The following PIWIL2 variants were observed in gnomAD, a reference collection of about 807,000 sequenced individuals.
PIWIL2 encodes the protein piwi-like protein 2.
In PIWIL2, 81 loss-of-function variants were observed where a neutral mutation model predicts 116.5. The observed-to-expected ratio is 0.70, with a 90% CI of 0.58 to 0.84. PIWIL2 has a LOEUF of 0.84. PIWIL2 is among the 40% of genes least tolerant of loss of function. The probability of loss-of-function intolerance (pLI) is 0.00; values close to 1 mark genes in which losing one functional copy is unlikely to be tolerated. For synonymous variants in PIWIL2, 489 were observed against 429.5 expected (o/e 1.14, Z -1.71); for missense variants, 1,272 against 1,212.3 (o/e 1.05, Z -0.73).
In PIWIL2 at chr8:22,354,323, A is replaced by T; in HGVS notation, c.2710A>T (p.Thr904Ser). 1.2e-6 allele frequency: 2 copies of T among 1,613,714 alleles called. No individual in the cohort carries two copies. Among genetic ancestry groups the T allele is most frequent in the Non-Finnish European group, 1.7e-6 (2 of 1,179,756 alleles). The change falls in exon 22 of 23, where the codon ACG becomes TCG. Residue 904 changes from threonine (T) to serine (S), a missense_variant. By Grantham distance (58) the Thr-to-Ser change is moderately conservative. Coordinates refer to ENST00000356766, the MANE Select transcript of PIWIL2 (RefSeq NM_018068.5). Reference protein sequence around the residue: ...HHVRQGCGIPTHYVCVLNTAN... With the variant: ...HHVRQGCGIPSHYVCVLNTAN... ...TGTACGGCAGGGCTGTGGCATTCCT[A>T]CGCATTATGTCTGTGTTCTCAACAC... is the stretch of plus-strand genomic sequence containing the variant.
At position 22,318,205 on chromosome 8, in the gene PIWIL2, A is replaced by T; in HGVS notation, c.2333A>T (p.Gln778Leu). The T allele has an allele frequency of 6.2e-7, 1 of 1,613,550 alleles. No individual in the cohort carries two copies. The highest frequency in any genetic ancestry group is 8.5e-7 in the Non-Finnish European group (1 of 1,179,460). The change falls in exon 20 of 23, where the codon CAG becomes CTG. Residue 778 changes from glutamine (Q) to leucine (L), a missense_variant. Coordinates refer to ENST00000356766, the MANE Select transcript of PIWIL2 (RefSeq NM_018068.5). ...AAATGGTATTCCCGGGTGGTGTTCC[A>T]GATGCCGCATCAGGAGATTGTGGAC... is the stretch of plus-strand genomic sequence containing the variant. ...LTKWYSRVVF[Q>L]MPHQEIVDSL... is the part of the protein sequence containing the mutation.
intron 1 of PIWIL2, among the ~76,000 whole-genome samples, chr8:22,277,450 G>T (rs1256386133): frequency 6.6e-6 from 1 of 152,214 alleles, no homozygotes; most frequent in Non-Finnish European, 1.5e-5. Flanking sequence ...GACTGAGCAA[G>T]TATTGTAGGC....
intron 8 of PIWIL2, among the ~76,000 whole-genome samples, 197 bp from the exon 9 acceptor site, chr8:22,289,650 T>G (rs1382199697): frequency 6.6e-6 from 1 of 152,262 alleles, no homozygotes; most frequent in Non-Finnish European, 1.5e-5. Context: ...GTCATTTTGC[T>G]TTGCTTTTTC....
chr8:22,305,778 T>C, intron 12 of PIWIL2, 149 bp from the exon 13 acceptor site: 1 of 636,000 alleles, frequency 1.6e-6, no homozygotes, highest in South Asian at 1.9e-5. Flanking sequence ...ACTTCTAGCA[T>C]TTCACTGCTC....
intron 1 of PIWIL2, among the ~76,000 whole-genome samples, chr8:22,278,297 A>C (rs1830424181): frequency 6.6e-6 from 1 of 152,084 alleles, no homozygotes; most frequent in Non-Finnish European, 1.5e-5. Context: ...GAGGCAGCAG[A>C]TCTCTTGAGC....
intron 4 of PIWIL2, among the ~76,000 whole-genome samples, chr8:22,282,124 G>A (rs368255318): frequency 7.7e-6 from 1 of 129,702 alleles, no homozygotes; most frequent in Non-Finnish European, 1.6e-5. Flanking sequence ...TGTGTTGACC[G>A]GGCTGGAATG....
intron 20 of PIWIL2, among the ~76,000 whole-genome samples, chr8:22,346,899 G>A (rs1005617657): frequency 5.3e-5 from 8 of 152,076 alleles, no homozygotes; most frequent in Non-Finnish European, 1.0e-4. Flanking sequence ...TTTTTAGTTG[G>A]GCATAGCCGC....
intron 19 of PIWIL2, among the ~76,000 whole-genome samples, chr8:22,317,339 C>A (rs971861619): frequency 6.6e-6 from 1 of 152,164 alleles, no homozygotes; most frequent in Admixed American, 6.5e-5. Flanking sequence ...TATATACTTT[C>A]AGATTCTCTT....
At chr8:22,305,444 G>T (rs966923772) in intron 12 of PIWIL2, among the ~76,000 whole-genome samples, 2 of 151,916 alleles carry the variant, frequency 1.3e-5, no homozygotes, top group African/African-American at 4.8e-5. Context: ...TGCCCGCCTC[G>T]GCCTCCTAAA....
At chr8:22,305,172 CATTT>C (rs10669583) in intron 12 of PIWIL2, among the ~76,000 whole-genome samples, 25,509 of 143,786 alleles carry the variant, frequency 0.18, 2,315 homozygotes, top group Non-Finnish European at 0.19. Flanking sequence ...TATAGATATT[CATTT>C]ATTTATTTAT....
chr8:22,299,734 A>G (rs777664979), intron 10 of PIWIL2, among the ~76,000 whole-genome samples: 3 of 152,148 alleles, frequency 2.0e-5, no homozygotes, highest in Non-Finnish European at 4.4e-5. Context: ...GTGAAACGTT[A>G]CAGTGAAGAA....
In PIWIL2 at chr8:22,313,079, A is replaced by G. The variant is rs113247561; in HGVS notation, c.1990-1249A>G. On this transcript the variant is annotated intron_variant, in intron 16 of 22. Transcript: ENST00000356766. ...CCCAGTACATCAGCTCCCCCATTTC[A>G]CAACTTGTGTTCCCTTTTTGAGAGG... 6.1e-3 allele frequency among the ~76,000 whole-genome samples: 922 copies of G among 152,288 alleles called. 7 individuals are homozygous for G. Among genetic ancestry groups the G allele is most frequent in the African/African-American group, 0.021 (863 of 41,570 alleles).
chr8:22,277,562 G>A (rs558220512), intron 1 of PIWIL2, among the ~76,000 whole-genome samples: 2 of 152,036 alleles, frequency 1.3e-5, no homozygotes, highest in African/African-American at 2.4e-5. Context: ...TGTAGAGACA[G>A]GGTCTCGTTG....
Position 22,284,011 on chromosome 8 carries a change from G to C in PIWIL2, c.633-151G>C, listed in dbSNP as rs937507096. Reference sequence around the variant, plus strand: ...CTTCTAGCCTTCAGAGCTTGCTTCTGTAAGTGTTGCCTCTTGATATGTGTA... The same window carrying C: ...CTTCTAGCCTTCAGAGCTTGCTTCTCTAAGTGTTGCCTCTTGATATGTGTA... On this transcript the variant is annotated intron_variant, in intron 5 of 22. Transcript: ENST00000356766. 5.9e-6 allele frequency: 3 copies of C among 511,088 alleles called. No individual in the cohort carries two copies. In the African/African-American group the frequency reaches 5.9e-5, roughly 10 times the overall value. The allele number at this position is 511,088 out of a possible 1,614,324, so 31.7% of individuals were successfully genotyped here.
intron 20 of PIWIL2, among the ~76,000 whole-genome samples, chr8:22,322,713 G>T (rs560247019): frequency 6.6e-6 from 1 of 152,024 alleles, no homozygotes; most frequent in South Asian, 2.1e-4. Context: ...GCTCAGTTTT[G>T]TATTTTTAGT....
chr8:22,294,686 A>G (rs1249684605), intron 10 of PIWIL2, among the ~76,000 whole-genome samples: 5 of 148,458 alleles, frequency 3.4e-5, no homozygotes, highest in South Asian at 4.3e-4. Flanking sequence ...ATCAGTTGGC[A>G]TTTTGATGGT....
At chr8:22,327,485 A>G (rs1831753248) in intron 20 of PIWIL2, among the ~76,000 whole-genome samples, 1 of 149,764 alleles carries the variant, frequency 6.7e-6, no homozygotes. Flanking sequence ...CTCCTGCGTC[A>G]GCCTCCTGAG....
chr8:22,324,830 G>A (rs1228093005), intron 20 of PIWIL2, among the ~76,000 whole-genome samples: 1 of 152,102 alleles, frequency 6.6e-6, no homozygotes, highest in African/African-American at 2.4e-5. Flanking sequence ...ACACATAGAC[G>A]GAAAATAATC....
At chr8:22,330,694 C>T (rs1048237690) in intron 20 of PIWIL2, among the ~76,000 whole-genome samples, 1 of 94,312 alleles carries the variant, frequency 1.1e-5, no homozygotes, top group Non-Finnish European at 2.4e-5. Context: ...GAGACTCTGT[C>T]TCAAAATAAA....
Sources: gnomAD v4.1 joint callset for allele counts (sites outside exome capture counted in the v4.1 genomes callset) on GRCh38, gnomAD v4.1.1 for gene constraint, MANE v1.5 for transcripts, NCBI Gene and HGNC (gene_info 2026-07-23, HGNC 2026-07-21) for gene names.